GLIS3: variants seen among roughly 807,000 people sequenced by gnomAD.
GLIS3 encodes the protein zinc finger protein GLIS3.
In GLIS3, 53 loss-of-function variants were observed where a neutral mutation model predicts 78.6. That is an observed-to-expected ratio of 0.67 (90% CI 0.54 to 0.85). The LOEUF (loss-of-function observed/expected upper bound fraction) is 0.85, where lower values mean the gene tolerates loss of function less well. Ranked by LOEUF, GLIS3 falls within the 40% of genes least tolerant of loss-of-function variation. The probability of loss-of-function intolerance (pLI) is 0.00; values close to 1 mark genes in which losing one functional copy is unlikely to be tolerated. For synonymous variants in GLIS3, 684 were observed against 509.9 expected (o/e 1.34, Z -4.60); for missense variants, 1,703 against 1,231.1 (o/e 1.38, Z -5.74).
At chr9:4,105,865 G>A (rs1287195249) in intron 4 of GLIS3, among the ~76,000 whole-genome samples, 4 of 152,102 alleles carry the variant, frequency 2.6e-5, no homozygotes, top group African/African-American at 4.8e-5. Context: ...AATAGAACAC[G>A]ATCGGGGTGA....
At chr9:4,297,994 A>G (rs992443182) in intron 1 of GLIS3, among the ~76,000 whole-genome samples, 4 of 151,478 alleles carry the variant, frequency 2.6e-5, no homozygotes, top group African/African-American at 9.7e-5. Flanking sequence ...CGCGGCTGCG[A>G]CCCCGTCACT....
At chr9:4,066,144 A>T (rs978890918) in intron 4 of GLIS3, among the ~76,000 whole-genome samples, 7 of 152,190 alleles carry the variant, frequency 4.6e-5, no homozygotes, top group African/African-American at 1.7e-4. Context: ...TTTCAATTTC[A>T]AGACATTTCT....
At position 3,829,423 on chromosome 9, in the gene GLIS3, A is replaced by G; in HGVS notation, c.2543T>C (p.Val848Ala). 1.2e-6 allele frequency: 2 copies of G among 1,614,170 alleles called. No individual in the cohort carries two copies. Among genetic ancestry groups the G allele is most frequent in the Non-Finnish European group, 1.7e-6 (2 of 1,180,016 alleles). The change falls in exon 10 of 11, where the codon GTC (valine) becomes GCC (alanine). Residue 848 changes from valine to alanine, a missense_variant. By Grantham distance (64) the Val-to-Ala change is moderately conservative. Transcript: ENST00000381971. ...CGAAGGCACCACACTGCAGGAGCTG[A>G]CAGGCGGCACAATTCTCTGGGAATC... ...YPDSQRIVPPVSSCSVVPSFE... is the reference protein window; with the variant it reads ...YPDSQRIVPPASSCSVVPSFE...
chr9:4,191,884 TATTA>T lies in GLIS3; in HGVS notation c.389-65947_389-65944del, dbSNP rs750523585. ...GAGAGAAAGAAAAATTAATATTAAA[TATTA>T]ATTAATATTTCTAAAGCAAGAGAAA... On this transcript the variant is annotated intron_variant, in intron 2 of 10. Transcript: ENST00000381971. Among the ~76,000 whole-genome samples, 32 of 152,022 alleles carry T rather than the reference TATTA, an allele frequency of 2.1e-4. 1 individual carries two copies. The highest frequency in any genetic ancestry group is 1.8e-3 in the Admixed American group (28 of 15,264).
At chr9:3,962,178 T>A (rs1317500509) in intron 4 of GLIS3, among the ~76,000 whole-genome samples, 1 of 152,086 alleles carries the variant, frequency 6.6e-6, no homozygotes, top group Non-Finnish European at 1.5e-5. Flanking sequence ...CATGCTGGTG[T>A]CACTGCACTT....
chr9:3,854,560 A>G (rs1241372966), intron 9 of GLIS3, among the ~76,000 whole-genome samples: 1 of 148,862 alleles, frequency 6.7e-6, no homozygotes, highest in African/African-American at 2.5e-5. Flanking sequence ...TTTTTGAGAC[A>G]GAGTCTCGCT....
At chr9:3,848,386 C>T (rs1259289062) in intron 9 of GLIS3, among the ~76,000 whole-genome samples, 2 of 152,178 alleles carry the variant, frequency 1.3e-5, no homozygotes, top group Non-Finnish European at 2.9e-5. Flanking sequence ...CCTGTAATCC[C>T]AGCTACTCTG....
At chr9:3,930,251 T>A (rs486163) in intron 6 of GLIS3, among the ~76,000 whole-genome samples, 59,512 of 152,046 alleles carry the variant, frequency 0.39, 13,419 homozygotes, top group Middle Eastern at 0.58. Context: ...GTCAATGAAA[T>A]CCAATTCAAC....
At chr9:3,935,711 A>C (rs1825865230) in intron 5 of GLIS3, among the ~76,000 whole-genome samples, 1 of 152,220 alleles carries the variant, frequency 6.6e-6, no homozygotes. Flanking sequence ...GGGCATTTTA[A>C]CACAATTTAT....
chr9:4,109,783 C>G (rs1483955315), intron 4 of GLIS3, among the ~76,000 whole-genome samples: 1 of 152,194 alleles, frequency 6.6e-6, no homozygotes, highest in African/African-American at 2.4e-5. Context: ...GACCATCAAA[C>G]TACTTGAGAA....
At chr9:4,444,296 A>G in the GLIS3 span, among the ~76,000 whole-genome samples, 4 of 152,230 alleles carry the variant, frequency 2.6e-5, no homozygotes, top group African/African-American at 7.2e-5. Flanking sequence ...CTCATACACA[A>G]TAATAAAGAC....
intron 2 of GLIS3, among the ~76,000 whole-genome samples, chr9:4,141,546 T>C (rs68105225): frequency 0.24 from 36,259 of 152,192 alleles, 4,709 homozygotes; most frequent in Middle Eastern, 0.37. Flanking sequence ...ACCTTGGTAG[T>C]GTATCAGGCC....
intron 9 of GLIS3, among the ~76,000 whole-genome samples, chr9:3,849,418 C>G (rs1281130965): frequency 1.3e-5 from 2 of 152,208 alleles, no homozygotes; most frequent in African/African-American, 4.8e-5. Context: ...TAAGAGTACG[C>G]TTGTCCTTTA....
chr9:3,865,994 G>T (rs900212372), intron 8 of GLIS3, among the ~76,000 whole-genome samples: 1 of 152,222 alleles, frequency 6.6e-6, no homozygotes, highest in African/African-American at 2.4e-5. Flanking sequence ...ACTGACGTCA[G>T]TGTCTCCTGT....
chr9:4,052,041 CA>C (rs1266279497), intron 4 of GLIS3, among the ~76,000 whole-genome samples: 2 of 152,124 alleles, frequency 1.3e-5, no homozygotes, highest in Non-Finnish European at 2.9e-5. Context: ...ACATCCTGTT[CA>C]CTTCTAAATA....
the GLIS3 span, among the ~76,000 whole-genome samples, chr9:4,476,959 C>A: frequency 6.6e-6 from 1 of 152,030 alleles, no homozygotes; most frequent in East Asian, 1.9e-4. Flanking sequence ...TTGTTCATTG[C>A]TGGTGGGATG....
At chr9:4,048,705 G>T (rs1195263658) in intron 4 of GLIS3, among the ~76,000 whole-genome samples, 1 of 152,184 alleles carries the variant, frequency 6.6e-6, no homozygotes, top group Non-Finnish European at 1.5e-5. Flanking sequence ...GTGGGGCTCA[G>T]ATGAAGCAAA....
At chr9:4,223,362 T>G (rs183237609) in intron 2 of GLIS3, among the ~76,000 whole-genome samples, 1 of 152,304 alleles carries the variant, frequency 6.6e-6, no homozygotes, top group Admixed American at 6.5e-5. Context: ...AATATTTACA[T>G]TCTACGATTC....
Position 3,912,505 on chromosome 9 carries a change from A to G in GLIS3, c.1984-13670T>C, listed in dbSNP as rs74397073. ...TCCTTTTACCAAAATCTGTCCCACT[A>G]TCTAGCTATGCTGGACAGAGTTGGG... is the stretch of plus-strand genomic sequence containing the variant. On this transcript the variant is annotated intron_variant, in intron 6 of 10. Coordinates refer to ENST00000381971, the MANE Select transcript of GLIS3 (RefSeq NM_001042413.2). 6.2e-3 allele frequency among the ~76,000 whole-genome samples: 938 copies of G among 152,348 alleles called. 18 individuals carry two copies. The highest frequency in any genetic ancestry group is 0.022 in the African/African-American group (913 of 41,580).
Sources: gnomAD v4.1 joint callset for allele counts (sites outside exome capture counted in the v4.1 genomes callset) on GRCh38, gnomAD v4.1.1 for gene constraint, MANE v1.5 for transcripts, NCBI Gene and HGNC (gene_info 2026-07-23, HGNC 2026-07-21) for gene names.